The following KDM4B variants were observed in gnomAD, a reference collection of about 807,000 sequenced individuals.
KDM4B encodes lysine demethylase 4B.
Under a neutral mutation model 125.2 loss-of-function variants are expected in KDM4B, and 32 were observed. The observed-to-expected ratio is 0.26, with a 90% confidence interval of 0.19 to 0.34. The LOEUF (loss-of-function observed/expected upper bound fraction) is 0.34. KDM4B is among the 10% of genes least tolerant of loss of function. The pLI is 1.00. For synonymous variants in KDM4B, 721 were observed against 677.9 expected, an observed-to-expected ratio of 1.06 and a Z score of -0.99; for missense variants, 1,190 against 1,577.7, an observed-to-expected ratio of 0.75 and a Z score of 4.16.
intron 9 of KDM4B, among the ~76,000 whole-genome samples, chr19:5,099,871 C>T (rs1203101303): frequency 3.3e-5 from 5 of 152,218 alleles, no homozygotes; most frequent in Non-Finnish European, 7.3e-5. Flanking sequence ...ACTTTCCAGC[C>T]TCCAGAACCT....
chr19:5,113,456 T>G (rs113890270), intron 10 of KDM4B: 9,079 of 153,590 alleles, frequency 0.059, 308 homozygotes, highest in African/African-American at 0.078. Context: ...GGTTCCCCCC[T>G]GAGCAGTGCC....
At position 5,111,691 on chromosome 19, in the gene KDM4B, G is replaced by A. The variant is rs1041810958; in HGVS notation, c.1115+873G>A. 1.6e-5 allele frequency: 12 copies of A among 743,108 alleles called. No individual in the cohort carries two copies. In the Middle Eastern group the frequency reaches 7.0e-4, roughly 43 times the overall value. The allele number at this position is 743,108 out of a possible 1,614,324, so 46.0% of individuals were successfully genotyped here. ...GAGCCCCTGAGCATGAGCTGGAGCC[G>A]GGAGGGACGGCACAGAGTGGGCTCA... On this transcript the variant is annotated intron_variant, in intron 10 of 22. Coordinates refer to ENST00000159111, the MANE Select transcript of KDM4B (RefSeq NM_015015.3).
At chr19:5,091,074 G>A (rs754505492) in intron 9 of KDM4B, among the ~76,000 whole-genome samples, 3 of 152,210 alleles carry the variant, frequency 2.0e-5, no homozygotes, top group Non-Finnish European at 2.9e-5. Context: ...AATAAAATGT[G>A]CACGCAGCCG....
intron 14 of KDM4B, among the ~76,000 whole-genome samples, chr19:5,134,352 G>A (rs965550462): frequency 1.3e-5 from 2 of 152,204 alleles, no homozygotes; most frequent in East Asian, 1.9e-4. Flanking sequence ...CGTGTCTGGT[G>A]GGCGCTGAGA....
chr19:5,151,628 A>C lies in KDM4B; in HGVS notation c.*117A>C. 1 of 931,926 alleles carries C rather than the reference A, an allele frequency of 1.1e-6. No homozygotes were observed. The highest frequency in any genetic ancestry group is 1.4e-6 in the Non-Finnish European group (1 of 708,234). The allele number at this position is 931,926 out of a possible 1,614,324, so 57.7% of individuals were successfully genotyped here. On this transcript the variant is annotated 3_prime_UTR_variant, in exon 23 of 23. Transcript: ENST00000159111. ...CCCGACCCCCGAGAGGCCACCTCCAAGCCGCGGGTGCCCCCTAGGGCGACA... is the reference window on the plus strand; with the variant it reads ...CCCGACCCCCGAGAGGCCACCTCCACGCCGCGGGTGCCCCCTAGGGCGACA...
intron 1 of KDM4B, among the ~76,000 whole-genome samples, chr19:4,983,519 G>A (rs2034721282): frequency 6.6e-6 from 1 of 152,210 alleles, no homozygotes; most frequent in African/African-American, 2.4e-5. Flanking sequence ...TCTCGCCTTT[G>A]CCAGGGAGCA....
chr19:5,083,836 C>T (rs929998416), intron 9 of KDM4B, among the ~76,000 whole-genome samples: 1 of 152,184 alleles, frequency 6.6e-6, no homozygotes, highest in Admixed American at 6.5e-5. Context: ...TCCAGTTCCT[C>T]CAGAGCCGGG....
At chr19:5,003,541 G>A (rs528167966) in intron 1 of KDM4B, among the ~76,000 whole-genome samples, 1 of 151,978 alleles carries the variant, frequency 6.6e-6, no homozygotes, top group South Asian at 2.1e-4. Context: ...AGGTGCAGTG[G>A]CTCACACCTG....
At chr19:5,045,249 C>T (rs985410834) in intron 5 of KDM4B, among the ~76,000 whole-genome samples, 7 of 152,324 alleles carry the variant, frequency 4.6e-5, no homozygotes, top group African/African-American at 1.7e-4. Flanking sequence ...CCCTGGGAGG[C>T]GTGTTGCGCT....
At chr19:5,111,819 C>G (rs536020691) in intron 10 of KDM4B, 39 of 765,198 alleles carry the variant, frequency 5.1e-5, no homozygotes, top group African/African-American at 3.2e-4. Context: ...CATGGCAACT[C>G]AAGACCCTTG....
At chr19:5,059,845 G>A (rs548450375) in intron 6 of KDM4B, among the ~76,000 whole-genome samples, 59 of 152,268 alleles carry the variant, frequency 3.9e-4, no homozygotes, top group African/African-American at 1.2e-3. Context: ...GTATCCAGAC[G>A]ACGTTCTGCA....
At chr19:5,084,442 ATATGT>A (rs1220539561) in intron 9 of KDM4B, among the ~76,000 whole-genome samples, 6 of 140,442 alleles carry the variant, frequency 4.3e-5, no homozygotes, top group African/African-American at 1.6e-4. Context: ...TATAAATTAT[ATATGT>A]TATAATAATT....
chr19:5,020,593 C>T (rs975782874), intron 2 of KDM4B, among the ~76,000 whole-genome samples: 26 of 152,210 alleles, frequency 1.7e-4, no homozygotes, highest in Admixed American at 4.6e-4. Context: ...GCTTGGTGCC[C>T]AGAGGAAGCC....
intron 13 of KDM4B, 36 bp downstream of exon 13, chr19:5,132,043 C>G (rs2039567290): frequency 6.4e-7 from 1 of 1,563,400 alleles, no homozygotes; most frequent in Admixed American, 2.0e-5. Context: ...TCTCATCAGC[C>G]CTGCTCCGCG....
At chr19:5,005,972 G>A (rs758686139) in intron 1 of KDM4B, among the ~76,000 whole-genome samples, 3 of 152,158 alleles carry the variant, frequency 2.0e-5, no homozygotes, top group African/African-American at 4.8e-5. Context: ...CAGTGGTCTC[G>A]TGCTGCACTT....
intron 11 of KDM4B, among the ~76,000 whole-genome samples, chr19:5,122,399 A>G (rs1322631468): frequency 6.6e-6 from 1 of 152,106 alleles, no homozygotes; most frequent in East Asian, 1.9e-4. Context: ...ACGGGAGGGG[A>G]CAGATTCCCA....
chr19:5,017,099 C>T (rs1251537196), intron 2 of KDM4B, among the ~76,000 whole-genome samples: 5 of 152,216 alleles, frequency 3.3e-5, no homozygotes, highest in Non-Finnish European at 5.9e-5. Flanking sequence ...TGCCGCTTCC[C>T]TGTGCAGAGG....
intron 7 of KDM4B, among the ~76,000 whole-genome samples, chr19:5,071,500 G>A (rs983691590): frequency 6.6e-6 from 1 of 152,246 alleles, no homozygotes; most frequent in African/African-American, 2.4e-5. Context: ...CATGGTGGCC[G>A]CACGGCGTTT....
chr19:4,984,618 G>A (rs1355172601), intron 1 of KDM4B, among the ~76,000 whole-genome samples: 1 of 152,146 alleles, frequency 6.6e-6, no homozygotes, highest in Non-Finnish European at 1.5e-5. Flanking sequence ...AACTTGGAGT[G>A]TGTTGGGGAC....
Sources: allele counts gnomAD v4.1 joint callset (sites outside exome capture counted in the v4.1 genomes callset), GRCh38; gene constraint gnomAD v4.1.1; transcripts MANE v1.5; gene names NCBI Gene and HGNC (gene_info 2026-07-23, HGNC 2026-07-21).